The following UGT1A10 variants were observed in gnomAD, a reference collection of about 807,000 sequenced individuals.
UGT1A10 encodes the protein UDP glucuronosyltransferase family 1 member A10, also known as UDP-glucuronosyltransferase 1A10.
In UGT1A10, 49 loss-of-function variants were observed where a neutral mutation model predicts 45.8. That is an observed-to-expected ratio of 1.07 (90% confidence interval 0.85 to 1.36). UGT1A10 has a LOEUF of 1.36. Ranked by LOEUF, UGT1A10 falls within the 40% of genes most tolerant of loss-of-function variation. The probability of loss-of-function intolerance (pLI) is 0.00; values close to 1 mark genes in which losing one functional copy is unlikely to be tolerated. For missense variants in UGT1A10, 745 were observed against 668.6 expected (o/e 1.11, Z -1.26); for synonymous variants, 284 against 249.7 (o/e 1.14, Z -1.29).
chr2:233,646,814 G>T (rs1042842176), intron 1 of UGT1A10, among the ~76,000 whole-genome samples: 2 of 151,908 alleles, frequency 1.3e-5, no homozygotes, highest in African/African-American at 4.8e-5. Flanking sequence ...TCCAAACTTT[G>T]CCAACCTCTG....
At chr2:233,694,526 C>T (rs1490198137) in intron 1 of UGT1A10, among the ~76,000 whole-genome samples, 2 of 152,070 alleles carry the variant, frequency 1.3e-5, no homozygotes, top group Non-Finnish European at 2.9e-5. Context: ...AGGAAAAGGG[C>T]CCAGAGTTAC....
intron 1 of UGT1A10, among the ~76,000 whole-genome samples, chr2:233,700,723 A>T (rs1341178459): frequency 6.6e-6 from 1 of 151,984 alleles, no homozygotes; most frequent in African/African-American, 2.4e-5. Context: ...TTTTTTTAAA[A>T]ATTTTATTAT....
At chr2:233,671,016 A>T (rs1225922259) in intron 1 of UGT1A10, among the ~76,000 whole-genome samples, 3 of 152,190 alleles carry the variant, frequency 2.0e-5, no homozygotes, top group Non-Finnish European at 1.5e-5. Flanking sequence ...AAACCCAAAC[A>T]TACAAACATA....
chr2:233,638,314 A>T (rs1257471813), intron 1 of UGT1A10, among the ~76,000 whole-genome samples: 1 of 152,080 alleles, frequency 6.6e-6, no homozygotes, highest in Non-Finnish European at 1.5e-5. Context: ...CAATGTTTCC[A>T]TTTCTACATT....
chr2:233,682,087 C>T (rs1559339300), intron 1 of UGT1A10: 5 of 1,613,998 alleles, frequency 3.1e-6, no homozygotes, highest in Admixed American at 3.3e-5. Flanking sequence ...AACTCATCCT[C>T]AGGGGGCATG....
At chr2:233,639,051 G>A (rs45615640) in intron 1 of UGT1A10, among the ~76,000 whole-genome samples, 9 of 152,262 alleles carry the variant, frequency 5.9e-5, no homozygotes, top group East Asian at 3.9e-4. Context: ...CTGAACCCAC[G>A]CTGAGTTTAT....
Position 233,772,885 on chromosome 2 carries a change from A to C in UGT1A10, c.*326A>C. ...GGCCTGTTTGGGAGTGCGGGATTCA[A>C]AGGTGGTCCCACGGCTGCCCCTACT... On this transcript the variant is annotated 3_prime_UTR_variant, in exon 5 of 5. Transcript: ENST00000344644. 1.8e-6 allele frequency: 1 copy of C among 555,428 alleles called. No individual in the cohort carries two copies. Among genetic ancestry groups the C allele is most frequent in the Non-Finnish European group, 2.8e-6 (1 of 357,440 alleles). The allele number at this position is 555,428 out of a possible 1,614,324, so 34.4% of individuals were successfully genotyped here.
At chr2:233,765,087 G>A (rs1381800370) in intron 1 of UGT1A10, among the ~76,000 whole-genome samples, 3 of 152,094 alleles carry the variant, frequency 2.0e-5, no homozygotes, top group African/African-American at 7.2e-5. Flanking sequence ...CACATCTAGG[G>A]TGACCAGCAT....
Position 233,636,531 on chromosome 2 carries a change from C to G in UGT1A10, c.9C>G (p.Arg3=). 1.2e-6 allele frequency: 2 copies of G among 1,612,850 alleles called. No individual in the cohort carries two copies. The highest frequency in any genetic ancestry group is 1.7e-6 in the Non-Finnish European group (2 of 1,179,290). The change falls in exon 1 of 5, where the codon CGC becomes CGG. Residue 3 remains arginine, a synonymous_variant. Coordinates refer to ENST00000344644, the MANE Select transcript of UGT1A10 (RefSeq NM_019075.4). The stretch of plus-strand genomic sequence containing the variant: ...CGGGCTGCAGTTCTCTCATGGCTCG[C>G]GCAGGGTGGACCAGCCCCGTTCCTT... MA[R]AGWTSPVPLC... is the part of the protein sequence containing the mutation.
At chr2:233,660,200 C>G (rs1417169432) in intron 1 of UGT1A10, among the ~76,000 whole-genome samples, 1 of 152,190 alleles carries the variant, frequency 6.6e-6, no homozygotes, top group African/African-American at 2.4e-5. Flanking sequence ...AGGACATCTT[C>G]CACAGTGTAA....
At chr2:233,766,826 T>G (rs1699252557) in intron 1 of UGT1A10, among the ~76,000 whole-genome samples, 1 of 152,230 alleles carries the variant, frequency 6.6e-6, no homozygotes, top group Non-Finnish European at 1.5e-5. Context: ...AGGATAATTC[T>G]GTAAGCAGGA....
chr2:233,761,187 T>C, intron 1 of UGT1A10: 1 of 1,614,214 alleles, frequency 6.2e-7, no homozygotes, highest in Non-Finnish European at 8.5e-7. Context: ...ATGCGTATAT[T>C]CTTTCAGATG....
intron 1 of UGT1A10, chr2:233,747,220 A>G: frequency 6.2e-7 from 1 of 1,605,538 alleles, no homozygotes; most frequent in South Asian, 1.1e-5. Flanking sequence ...TGAGATGGCC[A>G]CAGGACCCCA....
chr2:233,677,270 T>C (rs909595005), intron 1 of UGT1A10, among the ~76,000 whole-genome samples: 1 of 152,220 alleles, frequency 6.6e-6, no homozygotes, highest in African/African-American at 2.4e-5. Context: ...AAGTATATCA[T>C]GTTTTTGATG....
chr2:233,658,923 T>A (rs1030230750), intron 1 of UGT1A10, among the ~76,000 whole-genome samples: 3 of 152,246 alleles, frequency 2.0e-5, no homozygotes, highest in African/African-American at 7.2e-5. Flanking sequence ...TTTGCTATTG[T>A]AGGTTTTCTA....
rs150749285 is a variant in UGT1A10 at position 233,754,499 on chromosome 2, C to T, written c.856-12535C>T. On this transcript the variant is annotated intron_variant, in intron 1 of 4. Coordinates refer to ENST00000344644, the MANE Select transcript of UGT1A10 (RefSeq NM_019075.4). ...TTCACTTTCAATCCTAAAAAAAGTCCGCTATTCCTCCAGATGTGCTTAAAG... is the reference window on the plus strand; with the variant it reads ...TTCACTTTCAATCCTAAAAAAAGTCTGCTATTCCTCCAGATGTGCTTAAAG... The T allele has an allele frequency of 2.1e-3, 765 of 355,996 alleles. 11 individuals carry two copies. Among genetic ancestry groups the T allele is most frequent in the African/African-American group, 0.015 (707 of 46,828 alleles). The allele number at this position is 355,996 out of a possible 1,614,324, so 22.1% of individuals were successfully genotyped here. A position where few individuals can be genotyped will look rare whatever the true frequency, so the allele number is the denominator to read the frequency against.
At chr2:233,734,641 G>T (rs777455810) in intron 1 of UGT1A10, among the ~76,000 whole-genome samples, 1 of 152,096 alleles carries the variant, frequency 6.6e-6, no homozygotes, top group East Asian at 1.9e-4. Context: ...GCTTTCTCCT[G>T]TGGGGATTTA....
chr2:233,755,768 C>G (rs1461511969), intron 1 of UGT1A10: 5 of 152,866 alleles, frequency 3.3e-5, no homozygotes, highest in African/African-American at 1.2e-4. Flanking sequence ...TTTTGTTCAT[C>G]TGGATTATGC....
rs1559354057 is a variant in UGT1A10 at position 233,705,289 on chromosome 2, C to T, written c.856-61745C>T. Among the ~76,000 whole-genome samples, 7 of 152,252 alleles carry T rather than the reference C, an allele frequency of 4.6e-5. 1 individual carries two copies. In the Middle Eastern group the frequency reaches 0.017, roughly 370 times the overall value. ...ACTTGCTTTCAACCTGAAGAACTTC[C>T]TTTAGTATTTCTTGTAAGTTGAGTT... On this transcript the variant is annotated intron_variant, in intron 1 of 4. Transcript: ENST00000344644.
Sources: gnomAD v4.1 joint callset for allele counts (sites outside exome capture counted in the v4.1 genomes callset) on GRCh38, gnomAD v4.1.1 for gene constraint, MANE v1.5 for transcripts, NCBI Gene and HGNC (gene_info 2026-07-23, HGNC 2026-07-21) for gene names.